The following SMCHD1 variants were observed in gnomAD, a reference collection of about 807,000 sequenced individuals.
SMCHD1 encodes structural maintenance of chromosomes flexible hinge domain containing 1, also known as structural maintenance of chromosomes flexible hinge domain-containing protein 1.
Under a neutral mutation model 254.7 loss-of-function variants are expected in SMCHD1, and 78 were observed. The observed-to-expected ratio is 0.31, with a 90% confidence interval of 0.26 to 0.37. The LOEUF (loss-of-function observed/expected upper bound fraction) is 0.37, where lower values mean the gene tolerates loss of function less well. Ranked by LOEUF, SMCHD1 falls within the 10% of genes least tolerant of loss-of-function variation. The pLI is 1.00. For missense variants in SMCHD1, 1,840 were observed against 2,408.1 expected, an observed-to-expected ratio of 0.76 and a Z score of 4.94; for synonymous variants, 766 against 794.9, an observed-to-expected ratio of 0.96 and a Z score of 0.61.
At chr18:2,658,810 A>G (rs2073150312) in intron 1 of SMCHD1, among the ~76,000 whole-genome samples, 1 of 151,648 alleles carries the variant, frequency 6.6e-6, no homozygotes, top group Admixed American at 6.6e-5. Flanking sequence ...GCTTATGTAT[A>G]CATATACATA....
chr18:2,716,979 A>G (rs191638299), intron 17 of SMCHD1, among the ~76,000 whole-genome samples: 3 of 152,286 alleles, frequency 2.0e-5, no homozygotes, highest in African/African-American at 4.8e-5. Flanking sequence ...TGGGGCCCAT[A>G]TTACACTTGC....
At chr18:2,659,782 A>G (rs994468902) in intron 1 of SMCHD1, among the ~76,000 whole-genome samples, 5 of 141,060 alleles carry the variant, frequency 3.5e-5, no homozygotes, top group Admixed American at 6.9e-5. Context: ...AAAAAAAAAA[A>G]GCAGAAAACT....
chr18:2,764,671 A>G (rs2075838704), intron 37 of SMCHD1, among the ~76,000 whole-genome samples: 1 of 152,196 alleles, frequency 6.6e-6, no homozygotes, highest in Non-Finnish European at 1.5e-5. Context: ...AACTATTTTC[A>G]TAGCATTTTA....
At chr18:2,795,248 G>A (rs922945658) in intron 45 of SMCHD1, among the ~76,000 whole-genome samples, 3 of 151,990 alleles carry the variant, frequency 2.0e-5, no homozygotes, top group Non-Finnish European at 2.9e-5. Context: ...TATTAGAGAC[G>A]GGGTTTCACC....
chr18:2,746,682 G>A (rs1359227303), intron 29 of SMCHD1, among the ~76,000 whole-genome samples: 1 of 152,192 alleles, frequency 6.6e-6, no homozygotes, highest in East Asian at 1.9e-4. Flanking sequence ...TCAGTTAAGA[G>A]TAGGGGGTAG....
chr18:2,795,585 A>T (rs2076248628), intron 45 of SMCHD1, among the ~76,000 whole-genome samples: 1 of 152,182 alleles, frequency 6.6e-6, no homozygotes, highest in African/African-American at 2.4e-5. Flanking sequence ...TATTTAATGT[A>T]TTTGCCTTCT....
Position 2,762,256 on chromosome 18 carries a change from A to G in SMCHD1, c.4566+20A>G. ...ATCACGGTAATGTTTATTTTCTTCC[A>G]AAACTGCGAAGGGTAACAAGAAAAA... On this transcript the variant is annotated intron_variant, in intron 36 of 47. Coordinates refer to ENST00000320876, the MANE Select transcript of SMCHD1 (RefSeq NM_015295.3). The G allele has an allele frequency of 1.9e-6, 3 of 1,609,784 alleles. No homozygotes were observed. Among genetic ancestry groups the G allele is most frequent in the African/African-American group, 1.3e-5 (1 of 74,946 alleles).
At chr18:2,662,667 C>CAAAAAAAAAAAAAAAAAAAAAAAAAACA (rs745838636) in intron 1 of SMCHD1, among the ~76,000 whole-genome samples, 4 of 35,670 alleles carry the variant, frequency 1.1e-4, no homozygotes, top group Non-Finnish European at 2.0e-4. Context: ...AACAAAAAAC[C>CAAAAAAAAAAAAAAAAAAAAAAAAAACA]AAAAAAAAAA....
At chr18:2,729,553 A>G (rs139860497) in intron 24 of SMCHD1, 144 bp downstream of exon 24, 349 of 542,064 alleles carry the variant, frequency 6.4e-4, no homozygotes, top group African/African-American at 5.9e-3. Flanking sequence ...AGCAAAGACA[A>G]TATGAAATGC....
intron 24 of SMCHD1, among the ~76,000 whole-genome samples, chr18:2,731,486 G>C (rs537511313): frequency 1.5e-4 from 23 of 152,142 alleles, no homozygotes; most frequent in African/African-American, 5.1e-4. Context: ...GGCCTTCTCT[G>C]GCTATAAACA....
Position 2,674,001 on chromosome 18 carries a change from AT to A in SMCHD1, c.508-10del. ...TGACTTTTCCTGTCTTTTTGAACTTATTTTGTTTCATAGCTTTTTGATGAAA... is the reference window on the plus strand; with the variant it reads ...TGACTTTTCCTGTCTTTTTGAACTTATTTGTTTCATAGCTTTTTGATGAAA... On this transcript the variant is annotated splice_polypyrimidine_tract_variant and intron_variant, in intron 4 of 47. Coordinates refer to ENST00000320876, the MANE Select transcript of SMCHD1 (RefSeq NM_015295.3). 1 of 1,562,892 alleles carries A rather than the reference AT, an allele frequency of 6.4e-7. No homozygotes were observed. Among genetic ancestry groups the A allele is most frequent in the Non-Finnish European group, 8.6e-7 (1 of 1,156,178 alleles).
chr18:2,724,245 G>A (rs2074983108), intron 20 of SMCHD1, among the ~76,000 whole-genome samples: 1 of 150,184 alleles, frequency 6.7e-6, no homozygotes, highest in African/African-American at 2.5e-5. Flanking sequence ...TCTCCATCAT[G>A]GTATATTTTT....
At chr18:2,770,948 T>C (rs906958128) in intron 39 of SMCHD1, among the ~76,000 whole-genome samples, 1 of 152,184 alleles carries the variant, frequency 6.6e-6, no homozygotes, top group Admixed American at 6.5e-5. Flanking sequence ...CTTAATAATG[T>C]TTCATATAAT....
intron 1 of SMCHD1, among the ~76,000 whole-genome samples, chr18:2,656,846 G>C (rs1053349881): frequency 2.0e-5 from 3 of 152,210 alleles, no homozygotes; most frequent in African/African-American, 7.2e-5. Flanking sequence ...CAGCTCTGCA[G>C]GTAGAGCTGG....
At chr18:2,689,877 A>T (rs1481230350) in intron 7 of SMCHD1, among the ~76,000 whole-genome samples, 3 of 137,846 alleles carry the variant, frequency 2.2e-5, no homozygotes, top group East Asian at 2.1e-4. Flanking sequence ...AAAAAAAAAA[A>T]GCCGGGTGTG....
At chr18:2,719,821 G>A (rs1360594568) in intron 19 of SMCHD1, among the ~76,000 whole-genome samples, 6 of 151,604 alleles carry the variant, frequency 4.0e-5, no homozygotes, top group South Asian at 4.2e-4. Context: ...GATTACAGGC[G>A]TATGCCACCA....
rs1257434383 is a variant in SMCHD1 at position 2,724,961 on chromosome 18, C to T, written c.2666C>T (p.Thr889Ile). 4 of 1,589,618 alleles carry T rather than the reference C, an allele frequency of 2.5e-6. No individual in the cohort carries two copies. Among genetic ancestry groups the T allele is most frequent in the Non-Finnish European group, 3.4e-6 (4 of 1,164,882 alleles). The change falls in exon 21 of 48, where the codon ACA becomes ATA. Residue 889 changes from threonine to isoleucine, a missense_variant. Coordinates refer to ENST00000320876, the MANE Select transcript of SMCHD1 (RefSeq NM_015295.3). ...CCAAATTGTGTAATTCGAGGTGTTA[C>T]AGCCAAGGGCCCTGTAAACTCTTGT... ...KGPNCVIRGV[T>I]AKGPVNSCQG...
At chr18:2,771,162 G>C (rs940901274) in intron 39 of SMCHD1, among the ~76,000 whole-genome samples, 2 of 152,152 alleles carry the variant, frequency 1.3e-5, no homozygotes, top group African/African-American at 4.8e-5. Flanking sequence ...AAATCTAGTA[G>C]TGAGATAATG....
intron 19 of SMCHD1, among the ~76,000 whole-genome samples, chr18:2,719,854 C>T (rs1247405): frequency 0.19 from 29,518 of 151,706 alleles, 3,115 homozygotes; most frequent in South Asian, 0.27. Flanking sequence ...TTTGTATTTT[C>T]AGTAGAGATG....
Sources: gnomAD v4.1 joint callset for allele counts (sites outside exome capture counted in the v4.1 genomes callset) on GRCh38, gnomAD v4.1.1 for gene constraint, MANE v1.5 for transcripts, NCBI Gene and HGNC (gene_info 2026-07-23, HGNC 2026-07-21) for gene names.